Variants in CHN2 observed in about 807,000 individuals in gnomAD.
CHN2 encodes the protein chimerin 2.
In CHN2, 35 loss-of-function variants were observed where a neutral mutation model predicts 56.3. That is an observed-to-expected ratio of 0.62 (90% CI 0.47 to 0.82). CHN2 has a LOEUF of 0.82. Ranked by LOEUF, CHN2 falls within the 40% of genes least tolerant of loss-of-function variation. CHN2 has a pLI of 0.00. For missense variants in CHN2, 491 were observed against 580.5 expected (o/e 0.85, Z 1.58); for synonymous variants, 210 against 212.8 (o/e 0.99, Z 0.12).
At chr7:29,239,738 G>A (rs905494724) in intron 1 of CHN2, among the ~76,000 whole-genome samples, 2 of 152,082 alleles carry the variant, frequency 1.3e-5, no homozygotes, top group African/African-American at 4.8e-5. Context: ...TGCTGAGCCT[G>A]GCCTGGGAGT....
At chr7:29,241,504 T>C (rs1787680001) in intron 1 of CHN2, among the ~76,000 whole-genome samples, 1 of 150,654 alleles carries the variant, frequency 6.6e-6, no homozygotes, top group Non-Finnish European at 1.5e-5. Flanking sequence ...CTGGGGACCC[T>C]CTCCCGCCTG....
chr7:29,486,148 AG>A (rs1432958677), intron 7 of CHN2, among the ~76,000 whole-genome samples: 5 of 151,920 alleles, frequency 3.3e-5, no homozygotes, highest in South Asian at 2.1e-4. Context: ...TCCCGATGGG[AG>A]GGGGTGGGGA....
intron 2 of CHN2, among the ~76,000 whole-genome samples, chr7:29,356,041 C>T (rs1278734142): frequency 6.6e-6 from 1 of 151,958 alleles, no homozygotes; most frequent in Non-Finnish European, 1.5e-5. Context: ...CCTCGGCCTC[C>T]GAAATTGCTG....
intron 1 of CHN2, among the ~76,000 whole-genome samples, chr7:29,263,066 C>T (rs1250845464): frequency 6.6e-6 from 1 of 152,228 alleles, no homozygotes; most frequent in Non-Finnish European, 1.5e-5. Flanking sequence ...GCATGGTCTC[C>T]CTCTGATGCC....
chr7:29,203,322 C>G (rs189288364), intron 1 of CHN2, among the ~76,000 whole-genome samples: 1 of 151,956 alleles, frequency 6.6e-6, no homozygotes, highest in East Asian at 1.9e-4. Context: ...CAAAAAGTAG[C>G]TGGGCATGGT....
At chr7:29,209,691 G>C (rs1218314663) in intron 1 of CHN2, among the ~76,000 whole-genome samples, 2 of 152,188 alleles carry the variant, frequency 1.3e-5, no homozygotes, top group African/African-American at 4.8e-5. Flanking sequence ...AGATGATTCA[G>C]CCCACTGCCG....
intron 6 of CHN2, among the ~76,000 whole-genome samples, chr7:29,424,105 A>T (rs1313723620): frequency 2.0e-5 from 3 of 152,252 alleles, no homozygotes; most frequent in Admixed American, 6.5e-5. Flanking sequence ...CTGAAGTATT[A>T]TTCAAAGTAA....
At chr7:29,459,792 A>G (rs1030234718) in intron 6 of CHN2, among the ~76,000 whole-genome samples, 3 of 152,176 alleles carry the variant, frequency 2.0e-5, no homozygotes, top group African/African-American at 7.2e-5. Flanking sequence ...AAGCAAGAAC[A>G]TGACTCCAGC....
chr7:29,360,272 A>C (rs1304973264), intron 2 of CHN2, among the ~76,000 whole-genome samples: 2 of 152,238 alleles, frequency 1.3e-5, no homozygotes, highest in African/African-American at 2.4e-5. Context: ...CTGTAATCCC[A>C]GCACTTTGGG....
chr7:29,186,737 T>TAC (rs1414393403), intron 2 of CHN2, among the ~76,000 whole-genome samples: 2 of 152,142 alleles, frequency 1.3e-5, no homozygotes, highest in East Asian at 3.9e-4. Context: ...GGAAAATACT[T>TAC]ACCATAACAG....
chr7:29,430,789 C>CA (rs72339566), intron 6 of CHN2, among the ~76,000 whole-genome samples: 1,745 of 113,300 alleles, frequency 0.015, 43 homozygotes, highest in African/African-American at 0.044. Context: ...AAGATGATAG[C>CA]AAAAAAAAAA....
At chr7:29,166,342 T>A (rs1393993562) in intron 2 of CHN2, among the ~76,000 whole-genome samples, 2 of 152,134 alleles carry the variant, frequency 1.3e-5, no homozygotes, top group East Asian at 3.9e-4. Flanking sequence ...GATAGCAAAG[T>A]GTTTTATCCT....
chr7:29,219,678 T>C (rs1785617971), intron 1 of CHN2, among the ~76,000 whole-genome samples: 1 of 152,166 alleles, frequency 6.6e-6, no homozygotes, highest in African/African-American at 2.4e-5. Context: ...GAAATATATA[T>C]ACCATGCATA....
chr7:29,341,617 A>G (rs1418865822), intron 1 of CHN2, among the ~76,000 whole-genome samples: 1 of 149,990 alleles, frequency 6.7e-6, no homozygotes, highest in Non-Finnish European at 1.5e-5. Context: ...TGGGAGGGAG[A>G]GAGGGAGGGG....
At chr7:29,456,856 C>T (rs895097069) in intron 6 of CHN2, among the ~76,000 whole-genome samples, 3 of 152,000 alleles carry the variant, frequency 2.0e-5, no homozygotes, top group African/African-American at 7.3e-5. Flanking sequence ...GGGGAGGGCA[C>T]GCTGCAGCCT....
In CHN2 at chr7:29,460,887, G is replaced by T. The variant is rs182103145; in HGVS notation, c.577-19392G>T. Among the ~76,000 whole-genome samples, 104 of 152,266 alleles carry T rather than the reference G, an allele frequency of 6.8e-4. 1 individual carries two copies. The highest frequency in any genetic ancestry group is 9.9e-4 in the Non-Finnish European group (67 of 68,012). On this transcript the variant is annotated intron_variant, in intron 6 of 12. Coordinates refer to ENST00000222792, the MANE Select transcript of CHN2 (RefSeq NM_004067.4). The stretch of plus-strand genomic sequence containing the variant: ...TTTGGGGACTTTAGACAAACCACCC[G>T]CTTCTCTGGGCCTCAGTTTCCTCAT...
At chr7:29,202,105 A>G (rs200244926) in intron 1 of CHN2, among the ~76,000 whole-genome samples, 2 of 152,338 alleles carry the variant, frequency 1.3e-5, no homozygotes, top group East Asian at 3.9e-4. Context: ...TTCACCCTCA[A>G]AGAGGAAAAA....
At chr7:29,372,386 G>A (rs183721320) in intron 3 of CHN2, among the ~76,000 whole-genome samples, 4 of 152,022 alleles carry the variant, frequency 2.6e-5, no homozygotes, top group Non-Finnish European at 5.9e-5. Flanking sequence ...CCCAACCCTT[G>A]GAGCGTCTCT....
At position 29,367,943 on chromosome 7, in the gene CHN2, C is replaced by T; in HGVS notation, c.100C>T (p.Gln34Ter). 6.2e-7 allele frequency: 1 copy of T among 1,610,912 alleles called. No individual in the cohort carries two copies. The highest frequency in any genetic ancestry group is 8.5e-7 in the Non-Finnish European group (1 of 1,178,750). ...PIWKSYLYQL[Q>*]QEAPRPKRII... is the part of the protein sequence containing the mutation. ...CTCTTTTTTGGCAGTATATCAGTTA[C>T]AGCAAGAGGCACCTCGTCCCAAGAG... Residue 34 changes from glutamine (Q) to a stop codon, truncating the protein, a stop_gained, in exon 3 of 13, where the codon CAG becomes TAG. Coordinates refer to ENST00000222792, the MANE Select transcript of CHN2 (RefSeq NM_004067.4). LOFTEE classifies it high-confidence loss of function.
Sources: gnomAD v4.1 joint callset for allele counts (sites outside exome capture counted in the v4.1 genomes callset) on GRCh38, gnomAD v4.1.1 for gene constraint, MANE v1.5 for transcripts, NCBI Gene and HGNC (gene_info 2026-07-23, HGNC 2026-07-21) for gene names.